The following PI15 variants were observed in gnomAD, a reference collection of about 807,000 sequenced individuals.
PI15 encodes 25 kDa trypsin inhibitor.
A neutral mutation model predicts 31.0 loss-of-function variants in PI15; 18 were observed. That is an observed-to-expected ratio of 0.58 (90% CI 0.40 to 0.86). The LOEUF is 0.86. PI15 is among the 40% of genes least tolerant of loss of function. The pLI is 0.00. For missense variants in PI15, 282 were observed against 328.1 expected (o/e 0.86, Z 1.09); for synonymous variants, 118 against 119.1 (o/e 0.99, Z 0.06).
intron 2 of PI15, among the ~76,000 whole-genome samples, chr8:74,835,926 T>C (rs1810866602): frequency 6.6e-6 from 1 of 152,228 alleles, no homozygotes; most frequent in Non-Finnish European, 1.5e-5. Context: ...GAGCACACCC[T>C]TAGTGTCTCT....
rs569349969 is a variant in PI15 at position 74,836,229 on chromosome 8, G to A, written c.274-7752G>A. Among the ~76,000 whole-genome samples, 5 of 152,306 alleles carry A rather than the reference G, an allele frequency of 3.3e-5. No individual in the cohort carries two copies. The South Asian group carries it at 1.0e-3, about 32-fold the overall frequency. On this transcript the variant is annotated intron_variant, in intron 2 of 5. Transcript: ENST00000260113. ...CTACTGAACTCTGCCTCTGTAGCAG[G>A]AAAACACCATAGACAACATGTCACA... is the stretch of plus-strand genomic sequence containing the variant.
In PI15 at chr8:74,850,125, T is replaced by G. The variant is rs1811085387; in HGVS notation, c.*872T>G. ...TTTTTGAAGGAAGCAGACACAGCAG[T>G]ATTTACCTGTAGGTGGAGCAAGTAA... On this transcript the variant is annotated 3_prime_UTR_variant, in exon 6 of 6. Coordinates refer to ENST00000260113, the MANE Select transcript of PI15 (RefSeq NM_015886.5). 1 of 152,194 alleles carries G rather than the reference T, an allele frequency of 6.6e-6. No individual in the cohort carries two copies. The highest frequency in any genetic ancestry group is 1.5e-5 in the Non-Finnish European group (1 of 68,022). The allele number at this position is 152,194 out of a possible 1,614,324, so 9.4% of individuals were successfully genotyped here.
intron 5 of PI15, 24 bp from the exon 6 acceptor site, chr8:74,849,094 T>C (rs201645030): frequency 1.0e-5 from 16 of 1,605,940 alleles, no homozygotes; most frequent in Non-Finnish European, 1.2e-5. Context: ...GCACTAATGC[T>C]ATCTTTTTTG....
intron 2 of PI15, among the ~76,000 whole-genome samples, chr8:74,829,263 C>T (rs1438854393): frequency 2.0e-5 from 3 of 152,062 alleles, no homozygotes; most frequent in Non-Finnish European, 4.4e-5. Context: ...TGATTCCACA[C>T]CTGAATTAAA....
At chr8:74,848,726 TATATATAGAG>T in intron 5 of PI15, among the ~76,000 whole-genome samples, 1 of 142,824 alleles carries the variant, frequency 7.0e-6, no homozygotes, top group Admixed American at 6.9e-5. Flanking sequence ...TATATATATA[TATATATAGAG>T]AGAGAGAGAG....
At chr8:74,845,357 A>G in intron 4 of PI15, 25 bp from the exon 5 acceptor site, 1 of 1,596,032 alleles carries the variant, frequency 6.3e-7, no homozygotes, top group East Asian at 2.2e-5. Context: ...GACTTCTGTA[A>G]CAGTTTATTG....
chr8:74,829,073 CTATT>C (rs1474717669), intron 2 of PI15, among the ~76,000 whole-genome samples: 1 of 151,898 alleles, frequency 6.6e-6, no homozygotes, highest in African/African-American at 2.4e-5. Context: ...GGTGCTGTGT[CTATT>C]TATTCATTTT....
In PI15 at chr8:74,825,338, C is replaced by A. The variant is rs1412304855; in HGVS notation, c.89C>A (p.Ser30Ter). 3 of 1,613,284 alleles carry A rather than the reference C, an allele frequency of 1.9e-6. No homozygotes were observed. The highest frequency in any genetic ancestry group is 2.5e-6 in the Non-Finnish European group (3 of 1,179,404). ...STVVLLNSTD[S>*]SPPTNNFTDI... Reference sequence around the variant, plus strand: ...GTCGTCCTACTCAATTCCACTGACTCATCCCCGCCAACCAATAATTTCACT... The same window carrying A: ...GTCGTCCTACTCAATTCCACTGACTAATCCCCGCCAACCAATAATTTCACT... The change falls in exon 2 of 6, where the codon TCA becomes TAA. Residue 30 changes from serine (S) to a stop codon, truncating the protein, a stop_gained. Coordinates refer to ENST00000260113, the MANE Select transcript of PI15 (RefSeq NM_015886.5). LOFTEE classifies it high-confidence loss of function.
Position 74,850,769 on chromosome 8 carries a change from C to T in PI15, c.*1516C>T, listed in dbSNP as rs1586960836. 1 of 152,258 alleles carries T rather than the reference C, an allele frequency of 6.6e-6. No homozygotes were observed. Among genetic ancestry groups the T allele is most frequent in the East Asian group, 1.9e-4 (1 of 5,184 alleles). The allele number at this position is 152,258 out of a possible 1,614,324, so 9.4% of individuals were successfully genotyped here. On this transcript the variant is annotated 3_prime_UTR_variant, in exon 6 of 6. Transcript: ENST00000260113. ...GTTTGGAAATGCAACATTTTCCTAT[C>T]ATGAAATCTCTTTCAGAGAGGAGAA...
intron 2 of PI15, among the ~76,000 whole-genome samples, chr8:74,838,128 T>A (rs1475658305): frequency 6.6e-6 from 1 of 152,076 alleles, no homozygotes; most frequent in African/African-American, 2.4e-5. Flanking sequence ...TTATTGATAA[T>A]AATACTTTCC....
Position 74,825,330 on chromosome 8 carries a change from C to T in PI15, c.81C>T (p.Ser27=). 6.2e-7 allele frequency: 1 copy of T among 1,613,228 alleles called. No homozygotes were observed. Among genetic ancestry groups the T allele is most frequent in the Non-Finnish European group, 8.5e-7 (1 of 1,179,400 alleles). Residue 27 remains serine (S), a synonymous_variant, in exon 2 of 6, where the codon TCC becomes TCT. Coordinates refer to ENST00000260113, the MANE Select transcript of PI15 (RefSeq NM_015886.5). ...CAAGTACCGTCGTCCTACTCAATTC[C>T]ACTGACTCATCCCCGCCAACCAATA... ...CEASTVVLLN[S]TDSSPPTNNF...
At chr8:74,839,225 G>A (rs972468473) in intron 2 of PI15, among the ~76,000 whole-genome samples, 8 of 152,094 alleles carry the variant, frequency 5.3e-5, no homozygotes, top group Admixed American at 2.6e-4. Flanking sequence ...CTTGTGCTTC[G>A]CAGGCAAGGT....
At chr8:74,839,159 T>G (rs1810910788) in intron 2 of PI15, among the ~76,000 whole-genome samples, 1 of 152,242 alleles carries the variant, frequency 6.6e-6, no homozygotes, top group South Asian at 2.1e-4. Flanking sequence ...GATATTTAAA[T>G]GACTTCAGTG....
chr8:74,840,577 TC>T (rs1810930688), intron 2 of PI15, among the ~76,000 whole-genome samples: 1 of 152,160 alleles, frequency 6.6e-6, no homozygotes, highest in Non-Finnish European at 1.5e-5. Context: ...ATGATGTAAT[TC>T]CCAAATTTCA....
rs370292427 is a variant in PI15 at position 74,844,064 on chromosome 8, A to T, written c.357A>T (p.Arg119Ser). ...ACCATGGACCTTCTTACTTACTGAG[A>T]TTTTTGGGCCAAAATCTATCTGTAC... is the stretch of plus-strand genomic sequence containing the variant. ...IWDHGPSYLL[R>S]FLGQNLSVRT... is the part of the protein sequence containing the mutation. Residue 119 changes from arginine (R) to serine (S), a missense_variant, in exon 3 of 6, where the codon AGA becomes AGT. Transcript: ENST00000260113. 17 of 1,591,928 alleles carry T rather than the reference A, an allele frequency of 1.1e-5. No homozygotes were observed. Among genetic ancestry groups the T allele is most frequent in the Non-Finnish European group, 1.4e-5 (16 of 1,159,948 alleles).
At position 74,842,059 on chromosome 8, in the gene PI15, C is replaced by T. The variant is rs538226499; in HGVS notation, c.274-1922C>T. Among the ~76,000 whole-genome samples, 4 of 151,522 alleles carry T rather than the reference C, an allele frequency of 2.6e-5. No homozygotes were observed. In the Middle Eastern group the frequency reaches 0.014, roughly 519 times the overall value. ...TTAAAGTCACTAAATTAGTTTCTTT[C>T]AATGAAATATGTTGTTACATTAAAT... On this transcript the variant is annotated intron_variant, in intron 2 of 5. Coordinates refer to ENST00000260113, the MANE Select transcript of PI15 (RefSeq NM_015886.5).
intron 2 of PI15, among the ~76,000 whole-genome samples, chr8:74,836,566 A>AG (rs1387196484): frequency 2.6e-5 from 4 of 152,134 alleles, no homozygotes. Flanking sequence ...GGAAAAAAAA[A>AG]GAGAAGGGAC....
intron 5 of PI15, among the ~76,000 whole-genome samples, chr8:74,847,539 C>G (rs1811043526): frequency 6.6e-6 from 1 of 151,928 alleles, no homozygotes; most frequent in Non-Finnish European, 1.5e-5. Flanking sequence ...TAATAGGTCC[C>G]CCTTGAACCT....
At chr8:74,842,779 G>A (rs1810963674) in intron 2 of PI15, among the ~76,000 whole-genome samples, 1 of 152,066 alleles carries the variant, frequency 6.6e-6, no homozygotes, top group Non-Finnish European at 1.5e-5. Flanking sequence ...ATTTTTCAAT[G>A]AAAGAAAATT....
Sources: allele counts gnomAD v4.1 joint callset (sites outside exome capture counted in the v4.1 genomes callset), GRCh38; gene constraint gnomAD v4.1.1; transcripts MANE v1.5; gene names NCBI Gene and HGNC (gene_info 2026-07-23, HGNC 2026-07-21).